TMEM132B: variants seen among roughly 807,000 people sequenced by gnomAD.
TMEM132B encodes the protein transmembrane protein 132B.
TMEM132B carries 18 observed loss-of-function variants against 90.8 expected under a neutral mutation model. The ratio of observed to expected loss-of-function variants is 0.20; its 90% CI spans 0.14 to 0.29. The LOEUF is 0.29. Among genes scored for constraint, TMEM132B ranks in the 10% least tolerant of loss-of-function variants. The probability of loss-of-function intolerance (pLI) is 1.00; values close to 1 mark genes in which losing one functional copy is unlikely to be tolerated. For synonymous variants in TMEM132B, 504 were observed against 523.3 expected (o/e 0.96, Z 0.50); for missense variants, 1,096 against 1,326.8 (o/e 0.83, Z 2.70).
At chr12:125,621,389 G>A (rs566838237) in intron 5 of TMEM132B, among the ~76,000 whole-genome samples, 81 of 152,258 alleles carry the variant, frequency 5.3e-4, no homozygotes, top group Non-Finnish European at 9.1e-4. Context: ...ATCTCTTTGA[G>A]TAGAGGGAAG....
intron 1 of TMEM132B, among the ~76,000 whole-genome samples, chr12:125,254,210 G>T (rs1043867468): frequency 2.0e-5 from 3 of 152,050 alleles, no homozygotes; most frequent in African/African-American, 7.2e-5. Flanking sequence ...GATCACCGGA[G>T]GTCGAAGCTG....
chr12:125,560,074 C>T (rs1015820702), intron 4 of TMEM132B, among the ~76,000 whole-genome samples: 1 of 152,204 alleles, frequency 6.6e-6, no homozygotes, highest in Non-Finnish European at 1.5e-5. Context: ...ACCTGGTGTC[C>T]ACCGAGGGCT....
At chr12:125,461,912 A>G (rs1047259132) in intron 3 of TMEM132B, among the ~76,000 whole-genome samples, 1 of 152,190 alleles carries the variant, frequency 6.6e-6, no homozygotes, top group Non-Finnish European at 1.5e-5. Context: ...GTGCTGTTCA[A>G]TCTTCATAGA....
rs576606688 is a variant in TMEM132B, at chr12:125,378,631, A to G, written c.959+28288A>G. 3.3e-5 allele frequency among the ~76,000 whole-genome samples: 5 copies of G among 152,304 alleles called. No homozygotes were observed. In the East Asian group the frequency reaches 9.6e-4, roughly 29 times the overall value. ...GGATGTGGCCTTTGCTGTAAGAAAC[A>G]CTTCGTTTTCCTAGAGCTCCCACCC... On this transcript the variant is annotated intron_variant, in intron 2 of 8. Transcript: ENST00000682704.
intron 1 of TMEM132B, among the ~76,000 whole-genome samples, chr12:125,208,974 C>T (rs918211063): frequency 6.6e-6 from 1 of 152,162 alleles, no homozygotes; most frequent in African/African-American, 2.4e-5. Flanking sequence ...GCTGTGTCCC[C>T]TCTGAGTGCT....
intron 1 of TMEM132B, among the ~76,000 whole-genome samples, chr12:125,328,557 A>G (rs1294387278): frequency 6.6e-6 from 1 of 152,170 alleles, no homozygotes; most frequent in Non-Finnish European, 1.5e-5. Flanking sequence ...TGGTGGCTCC[A>G]GGCATTCCTT....
intron 3 of TMEM132B, among the ~76,000 whole-genome samples, chr12:125,423,276 A>G (rs448079): frequency 0.97 from 147,190 of 152,268 alleles, 71,343 homozygotes; most frequent in East Asian, 1. Flanking sequence ...ATTTACAGTC[A>G]CACTTGCCAC....
At chr12:125,463,997 C>T (rs953200613) in intron 3 of TMEM132B, among the ~76,000 whole-genome samples, 3 of 152,064 alleles carry the variant, frequency 2.0e-5, no homozygotes, top group African/African-American at 7.2e-5. Context: ...ATGAGAATTC[C>T]CTCACTATCA....
intron 4 of TMEM132B, among the ~76,000 whole-genome samples, chr12:125,520,116 A>G (rs1269586621): frequency 1.3e-5 from 2 of 152,184 alleles, no homozygotes; most frequent in African/African-American, 4.8e-5. Context: ...CCCAGAGTCC[A>G]CAAAACTGTC....
chr12:125,609,021 A>G lies in TMEM132B; in HGVS notation c.1437+25027A>G, dbSNP rs1006059361. Among the ~76,000 whole-genome samples, 12 of 152,324 alleles carry G rather than the reference A, an allele frequency of 7.9e-5. 1 individual carries two copies. The highest frequency in any genetic ancestry group is 2.9e-4 in the African/African-American group (12 of 41,570). The stretch of plus-strand genomic sequence containing the variant: ...ATCATGGTGGAAGGCACCTTTTCAC[A>G]GAGCAGCAGGGGAGAAAAATGAGAG... On this transcript the variant is annotated intron_variant, in intron 5 of 8. Coordinates refer to ENST00000682704, the MANE Select transcript of TMEM132B (RefSeq NM_001366854.1).
In TMEM132B at chr12:125,654,020, C is replaced by A. The variant is rs187755188; in HGVS notation, c.2562C>A (p.Thr854=). 3 of 1,614,136 alleles carry A rather than the reference C, an allele frequency of 1.9e-6. No homozygotes were observed. Among genetic ancestry groups the A allele is most frequent in the Middle Eastern group, 1.6e-4 (1 of 6,062 alleles). Residue 854 remains threonine, a synonymous_variant, in exon 9 of 9, where the codon ACC becomes ACA. Coordinates refer to ENST00000682704, the MANE Select transcript of TMEM132B (RefSeq NM_001366854.1). The surrounding 1 kb of genome is among the most constrained non-coding windows in gnomAD (Gnocchi z 5.8). ...AGGAAAGTACCAACAAAAGCACAAC[C>A]CCCCAGTCTCCCATGGAAGGGAAGA... ...GQEESTNKST[T]PQSPMEGKNK...
chr12:125,534,757 T>G (rs1056952065), intron 4 of TMEM132B, among the ~76,000 whole-genome samples: 3 of 151,932 alleles, frequency 2.0e-5, no homozygotes, highest in African/African-American at 7.3e-5. Flanking sequence ...TATAGTTACA[T>G]CCGCTCTTTC....
At chr12:125,610,881 G>A (rs763068219) in intron 5 of TMEM132B, among the ~76,000 whole-genome samples, 3 of 152,006 alleles carry the variant, frequency 2.0e-5, no homozygotes, top group Non-Finnish European at 4.4e-5. Flanking sequence ...TTGATACCAG[G>A]ATAAAATTGG....
chr12:125,440,168 G>T (rs1880827986), intron 3 of TMEM132B, among the ~76,000 whole-genome samples: 1 of 152,112 alleles, frequency 6.6e-6, no homozygotes, highest in Non-Finnish European at 1.5e-5. Flanking sequence ...TTAGTATCAG[G>T]ATATGAAAAT....
At chr12:125,569,944 G>A (rs1884750512) in intron 4 of TMEM132B, among the ~76,000 whole-genome samples, 1 of 152,048 alleles carries the variant, frequency 6.6e-6, no homozygotes, top group South Asian at 2.1e-4. Context: ...CCAATCCATG[G>A]TGACTTGAAG....
Position 125,436,684 on chromosome 12 carries a change from T to C in TMEM132B, c.1106+21007T>C, listed in dbSNP as rs78579749. Among the ~76,000 whole-genome samples the C allele has an allele frequency of 8.1e-4, 123 of 152,298 alleles. 2 individuals are homozygous for C. In the East Asian group the frequency reaches 0.021, roughly 25 times the overall value. On this transcript the variant is annotated intron_variant, in intron 3 of 8. Transcript: ENST00000682704. ...CCTTGCTAACACCTTCATATTGGAC[T>C]TCCAGGCTCCAGAACTTCAAGGGAA... is the stretch of plus-strand genomic sequence containing the variant.
intron 1 of TMEM132B, among the ~76,000 whole-genome samples, chr12:125,266,800 G>A (rs1204195970): frequency 4.6e-5 from 7 of 152,238 alleles, no homozygotes; most frequent in African/African-American, 1.7e-4. Flanking sequence ...AGTAGCTCAT[G>A]AGATTGTCTG....
At chr12:125,278,118 G>A (rs12369428) in intron 1 of TMEM132B, among the ~76,000 whole-genome samples, 24,020 of 152,248 alleles carry the variant, frequency 0.16, 2,422 homozygotes, top group African/African-American at 0.28. Context: ...AGCAGAGGTT[G>A]GCAAACTACA....
Position 125,660,894 on chromosome 12 carries a change from A to C in TMEM132B, c.*6184A>C, listed in dbSNP as rs143199665. The C allele has an allele frequency of 2.0e-5, 3 of 152,352 alleles. No homozygotes were observed. The East Asian group carries it at 5.8e-4, about 29-fold the overall frequency. The allele number at this position is 152,352 out of a possible 1,614,324, so 9.4% of individuals were successfully genotyped here. Reference sequence around the variant, plus strand: ...GAGAGGATAGAAGACCTCTCTATACATCTACATTGCCCATTGGAGTAAAGC... The same window carrying C: ...GAGAGGATAGAAGACCTCTCTATACCTCTACATTGCCCATTGGAGTAAAGC... On this transcript the variant is annotated 3_prime_UTR_variant, in exon 9 of 9. Transcript: ENST00000682704.
Sources: allele counts gnomAD v4.1 joint callset (sites outside exome capture counted in the v4.1 genomes callset), GRCh38; gene constraint gnomAD v4.1.1; non-coding constraint Gnocchi (gnomAD v3.1); transcripts MANE v1.5; gene names NCBI Gene and HGNC (gene_info 2026-07-23, HGNC 2026-07-21).